DACH1: variants seen among roughly 807,000 people sequenced by gnomAD.
The protein encoded by DACH1 is dachshund homolog 1.
In DACH1, 12 loss-of-function variants were observed where a neutral mutation model predicts 54.2. That is an observed-to-expected ratio of 0.22 (90% CI 0.14 to 0.36). The LOEUF (loss-of-function observed/expected upper bound fraction) is 0.36, where lower values mean the gene tolerates loss of function less well. Among genes scored for constraint, DACH1 ranks in the 10% least tolerant of loss-of-function variants. DACH1 has a pLI of 1.00. For synonymous variants in DACH1, 386 were observed against 366.2 expected, an observed-to-expected ratio of 1.05 and a Z score of -0.62; for missense variants, 805 against 929.8, an observed-to-expected ratio of 0.87 and a Z score of 1.75.
intron 1 of DACH1, among the ~76,000 whole-genome samples, chr13:71,714,246 C>T (rs934782660): frequency 3.3e-5 from 5 of 151,738 alleles, no homozygotes; most frequent in African/African-American, 4.8e-5. Context: ...TAGGCCTCAA[C>T]GTACCAATAA....
intron 2 of DACH1, among the ~76,000 whole-genome samples, chr13:71,651,668 C>CTGTATATGTATA (rs1184092128): frequency 6.3e-4 from 80 of 126,084 alleles, no homozygotes; most frequent in African/African-American, 2.4e-3. Context: ...GTATCTGTAT[C>CTGTATATGTATA]TGTATCTGTA....
At chr13:71,605,423 T>C (rs1285452297) in intron 3 of DACH1, among the ~76,000 whole-genome samples, 1 of 151,810 alleles carries the variant, frequency 6.6e-6, no homozygotes, top group African/African-American at 2.4e-5. Context: ...AACTTCTATT[T>C]ATGAAATCAC....
intron 1 of DACH1, among the ~76,000 whole-genome samples, chr13:71,804,719 C>A (rs1274249758): frequency 2.0e-5 from 3 of 152,152 alleles, no homozygotes; most frequent in African/African-American, 7.2e-5. Context: ...AGTTTGTCTA[C>A]ATTTCTGTTT....
chr13:71,620,441 C>T (rs2138540737), intron 3 of DACH1, among the ~76,000 whole-genome samples: 1 of 151,578 alleles, frequency 6.6e-6, no homozygotes, highest in South Asian at 2.1e-4. Flanking sequence ...TCTTTTTTTT[C>T]CCCTCAGCTC....
At chr13:71,818,107 C>T (rs1888039638) in intron 1 of DACH1, among the ~76,000 whole-genome samples, 1 of 152,112 alleles carries the variant, frequency 6.6e-6, no homozygotes, top group South Asian at 2.1e-4. Flanking sequence ...GCCACCGCAC[C>T]CAGCCATTTT....
intron 3 of DACH1, among the ~76,000 whole-genome samples, chr13:71,591,524 T>C (rs1873709914): frequency 6.6e-6 from 1 of 152,226 alleles, no homozygotes. Context: ...CTAAATGGCT[T>C]GAAAGAAGTC....
At chr13:71,503,011 C>T (rs1880046223) in intron 6 of DACH1, among the ~76,000 whole-genome samples, 2 of 152,198 alleles carry the variant, frequency 1.3e-5, no homozygotes, top group Non-Finnish European at 2.9e-5. Context: ...GCTTAAGCTA[C>T]AGGTATGTTT....
intron 6 of DACH1, among the ~76,000 whole-genome samples, chr13:71,542,924 C>T (rs1308851664): frequency 6.6e-6 from 1 of 152,084 alleles, no homozygotes; most frequent in East Asian, 1.9e-4. Flanking sequence ...ATTTTACTAT[C>T]AGAAATTATT....
chr13:71,491,940 G>A (rs1402204334), intron 6 of DACH1, among the ~76,000 whole-genome samples: 1 of 152,144 alleles, frequency 6.6e-6, no homozygotes, highest in African/African-American at 2.4e-5. Context: ...TTCAAAGAGT[G>A]AATGATGATG....
chr13:71,700,629 G>A (rs7317816), intron 1 of DACH1, among the ~76,000 whole-genome samples: 13,658 of 147,450 alleles, frequency 0.093, 1,776 homozygotes, highest in African/African-American at 0.29. Context: ...GAAATAAGCA[G>A]TCCTAATGAA....
intron 2 of DACH1, among the ~76,000 whole-genome samples, chr13:71,632,903 T>C (rs1169665382): frequency 5.9e-5 from 9 of 152,212 alleles, no homozygotes; most frequent in Non-Finnish European, 1.2e-4. Context: ...ATTACTCATT[T>C]CCTTCAAAGA....
chr13:71,574,400 CT>C (rs967689778), intron 3 of DACH1, among the ~76,000 whole-genome samples: 8 of 151,982 alleles, frequency 5.3e-5, no homozygotes, highest in African/African-American at 1.9e-4. Flanking sequence ...CAGCTCATGA[CT>C]TTTTTATTTC....
Position 71,521,891 on chromosome 13 carries a change from C to T in DACH1, c.1571-32743G>A, listed in dbSNP as rs538066124. Among the ~76,000 whole-genome samples the T allele has an allele frequency of 5.3e-5, 8 of 152,214 alleles. No individual in the cohort carries two copies. In the South Asian group the frequency reaches 1.7e-3, roughly 31 times the overall value. On this transcript the variant is annotated intron_variant, in intron 6 of 10. Transcript: ENST00000613252. ...AATAATGAAAACTATTCAACTTTAA[C>T]AATATATGCTAAAACTTCGATTTCA... is the stretch of plus-strand genomic sequence containing the variant.
intron 1 of DACH1, among the ~76,000 whole-genome samples, chr13:71,798,327 T>TACATACATACATAC (rs1566507090): frequency 3.0e-4 from 9 of 29,658 alleles, no homozygotes; most frequent in African/African-American, 1.2e-3. Context: ...TACATACATA[T>TACATACATACATAC]ATATATATAT....
chr13:71,677,701 G>C (rs1880656846), intron 2 of DACH1, among the ~76,000 whole-genome samples: 1 of 151,974 alleles, frequency 6.6e-6, no homozygotes, highest in African/African-American at 2.4e-5. Context: ...TGAATCAATA[G>C]GTGTTGTTTG....
In DACH1 at chr13:71,830,019, C is replaced by T. The variant is rs116134274; in HGVS notation, c.848+35903G>A. Among the ~76,000 whole-genome samples the T allele has an allele frequency of 5.5e-3, 830 of 151,838 alleles. 11 individuals carry two copies. Among genetic ancestry groups the T allele is most frequent in the African/African-American group, 0.019 (796 of 41,468 alleles). ...GAGTGTAAAAATAGAGGAGTAGTTCCACTATAAATGATCAATGATATGTTT... is the reference window on the plus strand; with the variant it reads ...GAGTGTAAAAATAGAGGAGTAGTTCTACTATAAATGATCAATGATATGTTT... On this transcript the variant is annotated intron_variant, in intron 1 of 10. Coordinates refer to ENST00000613252, the MANE Select transcript of DACH1 (RefSeq NM_080759.6).
intron 6 of DACH1, among the ~76,000 whole-genome samples, chr13:71,519,907 A>ATATAATC: frequency 7.3e-6 from 1 of 137,644 alleles, no homozygotes; most frequent in East Asian, 2.2e-4. Context: ...ATATATATAT[A>ATATAATC]TCCTAACTAA....
intron 6 of DACH1, among the ~76,000 whole-genome samples, chr13:71,548,879 T>C (rs1430449891): frequency 6.6e-6 from 1 of 151,912 alleles, no homozygotes; most frequent in Non-Finnish European, 1.5e-5. Context: ...TTTGTGCCAC[T>C]GCACTCCAGC....
chr13:71,786,222 G>T (rs546552875), intron 1 of DACH1, among the ~76,000 whole-genome samples: 1 of 152,254 alleles, frequency 6.6e-6, no homozygotes, highest in South Asian at 2.1e-4. Flanking sequence ...AATACAATTA[G>T]CTTATGCACA....
Sources: gnomAD v4.1 joint callset for allele counts (sites outside exome capture counted in the v4.1 genomes callset) on GRCh38, gnomAD v4.1.1 for gene constraint, MANE v1.5 for transcripts, NCBI Gene and HGNC (gene_info 2026-07-23, HGNC 2026-07-21) for gene names.